GRM8: variants seen among roughly 807,000 people sequenced by gnomAD.
GRM8 encodes glutamate metabotropic receptor 8, also known as metabotropic glutamate receptor 8.
GRM8 carries 47 observed loss-of-function variants against 87.2 expected under a neutral mutation model. That is an observed-to-expected ratio of 0.54 (90% CI 0.43 to 0.69). GRM8 has a LOEUF of 0.69. Ranked by LOEUF, GRM8 falls within the 30% of genes least tolerant of loss-of-function variation. The pLI is 0.00. For missense variants in GRM8, 1,019 were observed against 1,139.2 expected, an observed-to-expected ratio of 0.89 and a Z score of 1.52; for synonymous variants, 396 against 404.5, an observed-to-expected ratio of 0.98 and a Z score of 0.25.
intron 3 of GRM8, among the ~76,000 whole-genome samples, chr7:127,009,488 G>C (rs756466626): frequency 6.6e-6 from 1 of 152,054 alleles, no homozygotes; most frequent in African/African-American, 2.4e-5. Flanking sequence ...GTATAAACCT[G>C]ACTCAGTAAG....
intron 9 of GRM8, among the ~76,000 whole-genome samples, chr7:126,522,394 T>C (rs1813115545): frequency 6.6e-6 from 1 of 152,160 alleles, no homozygotes; most frequent in South Asian, 2.1e-4. Context: ...ACTGAGAACA[T>C]ATTCATGCTC....
rs115231719 is a variant in GRM8, at chr7:127,154,267, G to A, written c.511-47555C>T. Among the ~76,000 whole-genome samples the A allele has an allele frequency of 3.4e-3, 516 of 152,152 alleles. 5 individuals carry two copies. Among genetic ancestry groups the A allele is most frequent in the African/African-American group, 0.012 (499 of 41,536 alleles). Reference sequence around the variant, plus strand: ...GCTCTCTTGCTCAGGATCCAGTCCCGGTTCCCCACCTGTAGTTCCCTCCAG... The same window carrying A: ...GCTCTCTTGCTCAGGATCCAGTCCCAGTTCCCCACCTGTAGTTCCCTCCAG... On this transcript the variant is annotated intron_variant, in intron 2 of 10. Transcript: ENST00000339582.
Position 126,610,432 on chromosome 7 carries a change from C to T in GRM8, c.1358-934G>A, listed in dbSNP as rs74681157. The stretch of plus-strand genomic sequence containing the variant: ...AATCCCTTTTCTTGGTGTCTGTCTT[C>T]CCTCTGCAGGCCTTTTATCTGACTC... On this transcript the variant is annotated intron_variant, in intron 7 of 10. Transcript: ENST00000339582. 5.1e-3 allele frequency among the ~76,000 whole-genome samples: 780 copies of T among 152,200 alleles called. 7 individuals are homozygous for T. The highest frequency in any genetic ancestry group is 0.018 in the African/African-American group (744 of 41,516).
At chr7:126,796,144 C>T (rs1259066167) in intron 6 of GRM8, among the ~76,000 whole-genome samples, 1 of 151,762 alleles carries the variant, frequency 6.6e-6, no homozygotes, top group African/African-American at 2.4e-5. Context: ...CATAACGTAC[C>T]TTTGTAAATG....
chr7:126,906,318 A>AT (rs562838664), intron 3 of GRM8, among the ~76,000 whole-genome samples: 78 of 152,096 alleles, frequency 5.1e-4, no homozygotes, highest in African/African-American at 1.8e-3. Flanking sequence ...GATAATTTTT[A>AT]TTTTTTATTT....
intron 6 of GRM8, among the ~76,000 whole-genome samples, chr7:126,867,872 T>A (rs1172272841): frequency 2.0e-5 from 3 of 152,134 alleles, no homozygotes; most frequent in African/African-American, 7.2e-5. Context: ...CCATAATGAA[T>A]CTAAAAGTAT....
chr7:126,941,619 CAAA>C (rs548231122), intron 3 of GRM8, among the ~76,000 whole-genome samples: 6 of 108,004 alleles, frequency 5.6e-5, no homozygotes, highest in Non-Finnish European at 2.0e-5. Context: ...GACTCTGTCT[CAAA>C]AAAAAAAAAA....
intron 3 of GRM8, among the ~76,000 whole-genome samples, chr7:126,957,399 C>G (rs1808822296): frequency 6.6e-6 from 1 of 152,148 alleles, no homozygotes; most frequent in Non-Finnish European, 1.5e-5. Flanking sequence ...CCATCCCCTA[C>G]CGAGTTGGAG....
At chr7:126,903,520 G>A (rs1324078022) in intron 5 of GRM8, among the ~76,000 whole-genome samples, 1 of 148,428 alleles carries the variant, frequency 6.7e-6, no homozygotes, top group South Asian at 2.1e-4. Context: ...ACTGACTATG[G>A]TCTTTTTCTT....
At chr7:127,113,721 C>T (rs73720662) in intron 2 of GRM8, among the ~76,000 whole-genome samples, 1,980 of 152,196 alleles carry the variant, frequency 0.013, 35 homozygotes, top group African/African-American at 0.045. Context: ...AGCTTCCTAC[C>T]ACCTGGCCTT....
At chr7:126,938,473 G>C in intron 3 of GRM8, among the ~76,000 whole-genome samples, 1 of 152,194 alleles carries the variant, frequency 6.6e-6, no homozygotes, top group East Asian at 1.9e-4. Flanking sequence ...AGTGGTTTGA[G>C]TGCAAAGTCT....
At chr7:127,128,459 C>T (rs17866954) in intron 2 of GRM8, among the ~76,000 whole-genome samples, 2,672 of 152,192 alleles carry the variant, frequency 0.018, 71 homozygotes, top group African/African-American at 0.06. Flanking sequence ...CAGCTATCCA[C>T]TAGGAAACCT....
At chr7:127,200,080 A>G (rs1336299870) in intron 2 of GRM8, among the ~76,000 whole-genome samples, 2 of 152,206 alleles carry the variant, frequency 1.3e-5, no homozygotes, top group Non-Finnish European at 2.9e-5. Context: ...TTATGTGGCA[A>G]TAATCAAGAC....
chr7:126,969,494 T>C (rs1810200092), intron 3 of GRM8, among the ~76,000 whole-genome samples: 1 of 152,212 alleles, frequency 6.6e-6, no homozygotes, highest in Non-Finnish European at 1.5e-5. Flanking sequence ...TGCTCATCCA[T>C]AAGAAATAAC....
At chr7:126,467,507 T>A (rs182703443) in intron 9 of GRM8, among the ~76,000 whole-genome samples, 2 of 152,046 alleles carry the variant, frequency 1.3e-5, no homozygotes, top group African/African-American at 4.8e-5. Flanking sequence ...GATTTCCTTG[T>A]ATATTTAATA....
intron 7 of GRM8, among the ~76,000 whole-genome samples, chr7:126,702,651 G>T (rs1167553363): frequency 6.6e-6 from 1 of 152,156 alleles, no homozygotes; most frequent in Non-Finnish European, 1.5e-5. Context: ...GAAGCCAGCA[G>T]TTGGGACAGC....
intron 2 of GRM8, among the ~76,000 whole-genome samples, chr7:127,214,588 T>A (rs1001487746): frequency 2.0e-5 from 3 of 152,118 alleles, no homozygotes; most frequent in African/African-American, 7.2e-5. Flanking sequence ...GAGAAGCAAG[T>A]CACGTCTTAC....
At chr7:126,851,320 C>T (rs1308744503) in intron 6 of GRM8, among the ~76,000 whole-genome samples, 2 of 152,158 alleles carry the variant, frequency 1.3e-5, no homozygotes, top group Non-Finnish European at 1.5e-5. Context: ...ACTGGAATAA[C>T]TCCTAACTGC....
intron 6 of GRM8, among the ~76,000 whole-genome samples, chr7:126,863,882 A>G (rs1427128048): frequency 6.6e-6 from 1 of 151,590 alleles, no homozygotes; most frequent in Non-Finnish European, 1.5e-5. Flanking sequence ...GTTAACTATA[A>G]ATTCTATTTT....
Sources: allele counts gnomAD v4.1 joint callset (sites outside exome capture counted in the v4.1 genomes callset), GRCh38; gene constraint gnomAD v4.1.1; transcripts MANE v1.5; gene names NCBI Gene and HGNC (gene_info 2026-07-23, HGNC 2026-07-21).